The following ANKRD22 variants were observed in gnomAD, a reference collection of about 807,000 sequenced individuals.
The protein encoded by ANKRD22 is ankyrin repeat domain 22.
A neutral mutation model predicts 25.7 loss-of-function variants in ANKRD22; 24 were observed. The observed-to-expected ratio is 0.93, with a 90% CI of 0.68 to 1.31. The LOEUF (loss-of-function observed/expected upper bound fraction) is 1.31. ANKRD22 is among the 50% of genes most tolerant of loss of function. ANKRD22 has a pLI of 0.00. For synonymous variants in ANKRD22, 84 were observed against 84.3 expected (o/e 1.00, Z 0.02); for missense variants, 214 against 227.1 (o/e 0.94, Z 0.37).
intron 1 of ANKRD22, among the ~76,000 whole-genome samples, chr10:88,848,204 A>G (rs943384688): frequency 6.8e-6 from 1 of 147,804 alleles, no homozygotes; most frequent in African/African-American, 2.5e-5. Flanking sequence ...GTATATATAC[A>G]TATATATATA....
intron 1 of ANKRD22, among the ~76,000 whole-genome samples, chr10:88,836,532 T>C (rs1038629955): frequency 6.6e-6 from 1 of 152,210 alleles, no homozygotes; most frequent in Non-Finnish European, 1.5e-5. Flanking sequence ...ACAACTGGCA[T>C]GGCCAAGAGT....
rs552867827 is a variant in ANKRD22, at chr10:88,851,670, A to G, written c.-63T>C. On this transcript the variant is annotated 5_prime_UTR_variant, in exon 1 of 6. Coordinates refer to ENST00000371930, the MANE Select transcript of ANKRD22 (RefSeq NM_144590.3). ...CTTGAATCTTCTGGAGGTATTTCTG[A>G]TGAATATCAAAATCCTTCCTGGCTG... 1.3e-4 allele frequency: 212 copies of G among 1,587,894 alleles called. 1 individual carries two copies. In the South Asian group the frequency reaches 2.2e-3, roughly 17 times the overall value.
At chr10:88,846,446 G>A (rs767674284) in intron 1 of ANKRD22, among the ~76,000 whole-genome samples, 3 of 152,182 alleles carry the variant, frequency 2.0e-5, no homozygotes, top group Non-Finnish European at 2.9e-5. Flanking sequence ...CATGGAATAA[G>A]TATTACTTTT....
intron 1 of ANKRD22, among the ~76,000 whole-genome samples, 200 bp from the exon 2 acceptor site, chr10:88,832,226 C>T (rs906457071): frequency 2.0e-5 from 3 of 152,098 alleles, no homozygotes; most frequent in Non-Finnish European, 4.4e-5. Flanking sequence ...GAACCTCCTA[C>T]ATTTTCCTAA....
At chr10:88,837,719 G>A (rs1843966736) in intron 1 of ANKRD22, among the ~76,000 whole-genome samples, 1 of 152,142 alleles carries the variant, frequency 6.6e-6, no homozygotes, top group African/African-American at 2.4e-5. Context: ...ATTCCCACAT[G>A]TCATGGGAGG....
intron 2 of ANKRD22, among the ~76,000 whole-genome samples, chr10:88,829,111 G>T (rs11202867): frequency 1.3e-5 from 2 of 152,060 alleles, no homozygotes; most frequent in Admixed American, 1.3e-4. Context: ...TCCTTCATGT[G>T]CATAGTCTAG....
intron 1 of ANKRD22, among the ~76,000 whole-genome samples, chr10:88,848,723 G>T (rs74958397): frequency 0.028 from 4,243 of 152,158 alleles, 216 homozygotes; most frequent in African/African-American, 0.098. Flanking sequence ...TGAAGTTCCT[G>T]GCACAATCAG....
At chr10:88,843,410 C>T (rs184230914) in intron 1 of ANKRD22, among the ~76,000 whole-genome samples, 3 of 152,280 alleles carry the variant, frequency 2.0e-5, no homozygotes, top group Non-Finnish European at 2.9e-5. Flanking sequence ...ATCCTCATCA[C>T]GCCTAATCTT....
At chr10:88,836,284 T>C (rs1843953692) in intron 1 of ANKRD22, among the ~76,000 whole-genome samples, 1 of 152,228 alleles carries the variant, frequency 6.6e-6, no homozygotes, top group Non-Finnish European at 1.5e-5. Context: ...ACATTTTGTC[T>C]GTACTGATTC....
At chr10:88,827,548 T>C (rs895356202) in intron 3 of ANKRD22, among the ~76,000 whole-genome samples, 1 of 152,234 alleles carries the variant, frequency 6.6e-6, no homozygotes, top group Non-Finnish European at 1.5e-5. Flanking sequence ...TTAAATGCTA[T>C]GTGCTAAATA....
rs1564605649 is a variant in ANKRD22 at position 88,837,412 on chromosome 10, G to T, written c.22-5386C>A. On this transcript the variant is annotated intron_variant, in intron 1 of 5. Transcript: ENST00000371930. ...GATGGACAGGAGTGGTTATGAGAGG[G>T]TAGATAATTGATCAAAGAGAGTGAA... Among the ~76,000 whole-genome samples, 3 of 152,160 alleles carry T rather than the reference G, an allele frequency of 2.0e-5. No homozygotes were observed. The South Asian group carries it at 6.2e-4, about 31-fold the overall frequency.
intron 1 of ANKRD22, among the ~76,000 whole-genome samples, chr10:88,844,084 G>A (rs1176912720): frequency 6.6e-6 from 1 of 152,092 alleles, no homozygotes; most frequent in African/African-American, 2.4e-5. Flanking sequence ...TTGAAGGTGA[G>A]ATTCAAGCAG....
intron 4 of ANKRD22, 67 bp downstream of exon 4, chr10:88,825,971 G>T: frequency 7.6e-7 from 1 of 1,311,540 alleles, no homozygotes; most frequent in South Asian, 1.3e-5. Flanking sequence ...CTGTACAGAT[G>T]ACAAATACGC....
At chr10:88,823,983 G>A (rs1166659444) in intron 4 of ANKRD22, among the ~76,000 whole-genome samples, 1 of 152,012 alleles carries the variant, frequency 6.6e-6, no homozygotes, top group South Asian at 2.1e-4. Flanking sequence ...TTTCTTTGTC[G>A]CATGCTATAT....
chr10:88,838,113 A>G (rs1458882836), intron 1 of ANKRD22, among the ~76,000 whole-genome samples: 1 of 152,198 alleles, frequency 6.6e-6, no homozygotes, highest in African/African-American at 2.4e-5. Context: ...ATGATGGGGA[A>G]GATTTTGGAC....
At chr10:88,849,651 A>G (rs1844085127) in intron 1 of ANKRD22, among the ~76,000 whole-genome samples, 1 of 152,174 alleles carries the variant, frequency 6.6e-6, no homozygotes, top group Admixed American at 6.6e-5. Context: ...GAGTTAATAC[A>G]TATATAAAGT....
chr10:88,824,649 G>A (rs1213705336), intron 4 of ANKRD22, among the ~76,000 whole-genome samples: 2 of 152,178 alleles, frequency 1.3e-5, no homozygotes, highest in Non-Finnish European at 2.9e-5. Flanking sequence ...TCCCATCTCA[G>A]CCTTCCAAGT....
chr10:88,829,642 A>AT (rs1843886731), intron 2 of ANKRD22, among the ~76,000 whole-genome samples: 1 of 146,712 alleles, frequency 6.8e-6, no homozygotes, highest in African/African-American at 2.4e-5. Context: ...GAATATGTAC[A>AT]TTTTTCCATG....
Position 88,851,733 on chromosome 10 carries a change from TC to T in ANKRD22, c.-127del. On this transcript the variant is annotated 5_prime_UTR_variant, in exon 1 of 6. Coordinates refer to ENST00000371930, the MANE Select transcript of ANKRD22 (RefSeq NM_144590.3). The stretch of plus-strand genomic sequence containing the variant: ...CTAGAAGTCCAAGCTGGTGGCAAGC[TC>T]CAGGAGTGCTTTTCTAGCAAACACC... 2 of 1,077,818 alleles carry T rather than the reference TC, an allele frequency of 1.9e-6. No homozygotes were observed. The highest frequency in any genetic ancestry group is 2.8e-6 in the Non-Finnish European group (2 of 708,760). The allele number at this position is 1,077,818 out of a possible 1,614,324, so 66.8% of individuals were successfully genotyped here. A position where few individuals can be genotyped will look rare whatever the true frequency, so the allele number is the denominator to read the frequency against.
Sources: gnomAD v4.1 joint callset for allele counts (sites outside exome capture counted in the v4.1 genomes callset) on GRCh38, gnomAD v4.1.1 for gene constraint, MANE v1.5 for transcripts, NCBI Gene and HGNC (gene_info 2026-07-23, HGNC 2026-07-21) for gene names.